TMPRSS3: variants seen among roughly 807,000 people sequenced by gnomAD.
TMPRSS3 encodes the protein transmembrane protease serine 3.
Under a neutral mutation model 59.6 loss-of-function variants are expected in TMPRSS3, and 55 were observed. The observed-to-expected ratio is 0.92, with a 90% CI of 0.74 to 1.16. TMPRSS3 has a LOEUF of 1.16. TMPRSS3 is among the 50% of genes most tolerant of loss of function. The pLI, the probability that TMPRSS3 is intolerant of heterozygous loss-of-function variation, is 0.00. For synonymous variants in TMPRSS3, 257 were observed against 237.7 expected (o/e 1.08, Z -0.75); for missense variants, 596 against 579.4 (o/e 1.03, Z -0.29).
chr21:42,390,487 G>A (rs1255173755), intron 2 of TMPRSS3: 1 of 200,330 alleles, frequency 5.0e-6, no homozygotes, highest in Admixed American at 5.3e-5. Flanking sequence ...CAACATTTTG[G>A]GAAGCCAAAG....
chr21:42,385,659 C>T (rs2052623625), intron 5 of TMPRSS3, 125 bp from the exon 6 acceptor site: 3 of 1,248,046 alleles, frequency 2.4e-6, no homozygotes, highest in South Asian at 2.4e-5. Flanking sequence ...CCCCCAAACC[C>T]ATCAAAGGCT....
At chr21:42,374,805 C>T (rs528608765) in intron 12 of TMPRSS3, among the ~76,000 whole-genome samples, 16 of 152,126 alleles carry the variant, frequency 1.1e-4, no homozygotes, top group African/African-American at 3.6e-4. Context: ...TTGGAAACTA[C>T]GACTTTAAGC....
intron 6 of TMPRSS3, among the ~76,000 whole-genome samples, chr21:42,385,059 C>CCTCCCTCTCTT (rs2052608410): frequency 3.9e-4 from 15 of 38,732 alleles, no homozygotes; most frequent in South Asian, 1.9e-3. Context: ...CTTCCTTCCT[C>CCTCCCTCTCTT]CCTCCCTCCC....
chr21:42,390,649 A>G (rs1161530474), intron 2 of TMPRSS3, among the ~76,000 whole-genome samples: 1 of 152,146 alleles, frequency 6.6e-6, no homozygotes, highest in Non-Finnish European at 1.5e-5. Flanking sequence ...AATCGCTTGA[A>G]CCTGGGAGGC....
intron 7 of TMPRSS3, chr21:42,383,532 G>A (rs904824651): frequency 1.9e-6 from 1 of 519,330 alleles, no homozygotes; most frequent in Non-Finnish European, 3.5e-6. Context: ...GGAACCTTCT[G>A]CAGCCCCCTC....
rs781662983 is a variant in TMPRSS3, at chr21:42,376,536, C to T, written c.1191+5G>A. The stretch of plus-strand genomic sequence containing the variant: ...ACGGCCTCGCCCACCGCTGCGGCCC[C>T]GTACCTGGCAGCTGTCCACGCCACC... On this transcript the variant is annotated splice_donor_5th_base_variant and intron_variant, in intron 11 of 12. Transcript: ENST00000644384. 25 of 1,612,878 alleles carry T rather than the reference C, an allele frequency of 1.6e-5. No homozygotes were observed. The highest frequency in any genetic ancestry group is 1.7e-4 in the Middle Eastern group (1 of 5,858).
intron 3 of TMPRSS3, 71 bp from the exon 4 acceptor site, chr21:42,389,116 T>A: frequency 1.2e-6 from 2 of 1,602,550 alleles, no homozygotes; most frequent in South Asian, 2.2e-5. Flanking sequence ...ACTGTCCCCC[T>A]GCCACACAGT....
chr21:42,391,315 G>A (rs1186283174), intron 2 of TMPRSS3, among the ~76,000 whole-genome samples: 1 of 152,192 alleles, frequency 6.6e-6, no homozygotes, highest in Non-Finnish European at 1.5e-5. Context: ...CAAAGTACTG[G>A]GATTACAAGC....
Position 42,388,539 on chromosome 21 carries a change from C to T in TMPRSS3, c.323-13G>A, listed in dbSNP as rs200867150. On this transcript the variant is annotated splice_polypyrimidine_tract_variant and intron_variant, in intron 4 of 12. Transcript: ENST00000644384. This position sits in a 1 kb window ranked among gnomAD's most constrained non-coding sequence, Gnocchi z 5.1. Reference sequence around the variant, plus strand: ...CCACCCACCCGGACTGGCCGATGTGCAGAAAGAAAGGCTTATTAGTGGCCA... The same window carrying T: ...CCACCCACCCGGACTGGCCGATGTGTAGAAAGAAAGGCTTATTAGTGGCCA... The T allele has an allele frequency of 6.2e-7, 1 of 1,614,158 alleles. No homozygotes were observed. The highest frequency in any genetic ancestry group is 8.5e-7 in the Non-Finnish European group (1 of 1,180,034).
intron 9 of TMPRSS3, 58 bp downstream of exon 9, chr21:42,382,007 T>C: frequency 1.2e-6 from 2 of 1,609,966 alleles, no homozygotes; most frequent in Non-Finnish European, 1.7e-6. Context: ...AATGAGCAAT[T>C]GCAAATCCTC....
At chr21:42,377,537 T>C (rs887020951) in intron 10 of TMPRSS3, among the ~76,000 whole-genome samples, 9 of 152,208 alleles carry the variant, frequency 5.9e-5, no homozygotes, top group African/African-American at 2.2e-4. Flanking sequence ...TACCTTTCTG[T>C]CATTTTAAGC....
Position 42,373,105 on chromosome 21 carries a change from T to C in TMPRSS3, c.1345-326A>G, listed in dbSNP as rs541895458. 3.3e-5 allele frequency among the ~76,000 whole-genome samples: 5 copies of C among 151,984 alleles called. No homozygotes were observed. The East Asian group carries it at 9.7e-4, about 29-fold the overall frequency. ...ATTTTGTTTTAAACCCCCAACTAGATAGAGAAAAGTGCTGGATGAAAATGA... is the reference window on the plus strand; with the variant it reads ...ATTTTGTTTTAAACCCCCAACTAGACAGAGAAAAGTGCTGGATGAAAATGA... On this transcript the variant is annotated intron_variant, in intron 12 of 12. Coordinates refer to ENST00000644384, the MANE Select transcript of TMPRSS3 (RefSeq NM_001256317.3).
chr21:42,394,649 C>T (rs777014724), intron 2 of TMPRSS3, among the ~76,000 whole-genome samples: 6 of 152,210 alleles, frequency 3.9e-5, no homozygotes, highest in Non-Finnish European at 7.3e-5. Context: ...GACCCCCACT[C>T]CCACTTTCTG....
intron 12 of TMPRSS3, among the ~76,000 whole-genome samples, chr21:42,374,063 C>T (rs574144533): frequency 6.6e-6 from 1 of 152,292 alleles, no homozygotes; most frequent in South Asian, 2.1e-4. Context: ...GCCCTTTGCC[C>T]TCTGTGCCCA....
chr21:42,377,169 C>T (rs2052445326), intron 10 of TMPRSS3, among the ~76,000 whole-genome samples: 1 of 152,248 alleles, frequency 6.6e-6, no homozygotes, highest in African/African-American at 2.4e-5. Context: ...TGTCACCTTA[C>T]AGGGCAAATG....
chr21:42,392,935 C>A (rs1430773579), intron 2 of TMPRSS3, among the ~76,000 whole-genome samples: 2 of 152,256 alleles, frequency 1.3e-5, no homozygotes, highest in African/African-American at 2.4e-5. Context: ...CACGCCTCCT[C>A]TGTGCTTGGT....
chr21:42,382,377 G>T (rs560228563), intron 8 of TMPRSS3, 143 bp from the exon 9 acceptor site: 7 of 760,788 alleles, frequency 9.2e-6, no homozygotes, highest in Admixed American at 8.1e-5. Flanking sequence ...TGTTTATGCT[G>T]TATATGCAAC....
At chr21:42,375,907 A>G in intron 11 of TMPRSS3, 39 bp from the exon 12 acceptor site, 1 of 1,611,074 alleles carries the variant, frequency 6.2e-7, no homozygotes. Flanking sequence ...GGGGACAGTC[A>G]CCGCCATGCG....
chr21:42,375,863 G>A lies in TMPRSS3; in HGVS notation c.1197C>T (p.Asp399=). The part of the protein sequence containing the change: ...LTGGVDSCQG[D]SGGPLVCQER... ...CTTGACACACCAGGGGCCCCCCGCT[G>A]TCCCCCTGGGTGACAGGAAAGAAGC... Residue 399 remains aspartate (D), a synonymous_variant, in exon 12 of 13, where the codon GAC becomes GAT. Transcript: ENST00000644384. 1 of 1,613,616 alleles carries A rather than the reference G, an allele frequency of 6.2e-7. No homozygotes were observed.
Sources: allele counts gnomAD v4.1 joint callset (sites outside exome capture counted in the v4.1 genomes callset), GRCh38; gene constraint gnomAD v4.1.1; non-coding constraint Gnocchi (gnomAD v3.1); transcripts MANE v1.5; gene names NCBI Gene and HGNC (gene_info 2026-07-23, HGNC 2026-07-21).